IL34: variants seen among roughly 807,000 people sequenced by gnomAD.
IL34 encodes interleukin 34.
IL34 carries 17 observed loss-of-function variants against 25.3 expected under a neutral mutation model. The observed-to-expected ratio is 0.67, with a 90% CI of 0.46 to 1.01. The LOEUF is 1.01. Ranked by LOEUF, IL34 falls within the 50% of genes least tolerant of loss-of-function variation. The pLI, the probability that IL34 is intolerant of heterozygous loss-of-function variation, is 0.00. For synonymous variants in IL34, 174 were observed against 140.9 expected (o/e 1.23, Z -1.66); for missense variants, 368 against 312.9 (o/e 1.18, Z -1.33).
Position 70,646,963 on chromosome 16 carries a change from A to G in IL34, c.16A>G (p.Thr6Ala). 1.4e-6 allele frequency: 2 copies of G among 1,465,548 alleles called. No homozygotes were observed. The highest frequency in any genetic ancestry group is 1.8e-6 in the Non-Finnish European group (2 of 1,115,944). The allele number at this position is 1,465,548 out of a possible 1,614,324, so 90.8% of individuals were successfully genotyped here. The stretch of plus-strand genomic sequence containing the variant: ...GAACACCACCATGCCCCGGGGCTTC[A>G]CCTGGCTGCGCTGTGAGTACTGGGG... MPRGF[T>A]WLRYLGIFLG... is the part of the protein sequence containing the mutation. The change falls in exon 1 of 6, where the codon ACC becomes GCC. Residue 6 changes from threonine to alanine, a missense_variant. Transcript: ENST00000288098.
upstream of IL34, among the ~76,000 whole-genome samples, chr16:70,645,453 G>A (rs565589384): frequency 2.0e-4 from 30 of 152,174 alleles, no homozygotes; most frequent in Non-Finnish European, 3.8e-4. Context: ...GGGAGGAGGC[G>A]AGGGGATGGA....
chr16:70,634,443 G>A (rs1036970962), intron 1 of IL34, among the ~76,000 whole-genome samples: 1 of 152,006 alleles, frequency 6.6e-6, no homozygotes, highest in Non-Finnish European at 1.5e-5. Flanking sequence ...ACTTTGCGAG[G>A]CCAAGGCAGG....
intron 1 of IL34, among the ~76,000 whole-genome samples, chr16:70,621,546 G>C (rs2051282438): frequency 6.6e-6 from 1 of 152,108 alleles, no homozygotes; most frequent in Admixed American, 6.6e-5. Flanking sequence ...ATGGAGCAAA[G>C]AACAGGAGGA....
At chr16:70,584,876 T>C (rs927165509) in intron 1 of IL34, among the ~76,000 whole-genome samples, 1 of 152,058 alleles carries the variant, frequency 6.6e-6, no homozygotes, top group East Asian at 1.9e-4. Context: ...AATTTTTGTA[T>C]TTTTAGTAGA....
chr16:70,648,371 C>T (rs918848173), intron 1 of IL34, among the ~76,000 whole-genome samples: 4 of 151,896 alleles, frequency 2.6e-5, no homozygotes, highest in Non-Finnish European at 4.4e-5. Flanking sequence ...GGCTGGGCAG[C>T]ATAGCGAGAC....
At chr16:70,587,256 C>A (rs962931847) in intron 1 of IL34, among the ~76,000 whole-genome samples, 1 of 151,912 alleles carries the variant, frequency 6.6e-6, no homozygotes, top group Non-Finnish European at 1.5e-5. Flanking sequence ...ACCACACAGC[C>A]GCAGACAGCG....
chr16:70,598,815 C>T (rs546622267), intron 1 of IL34, among the ~76,000 whole-genome samples: 3 of 152,136 alleles, frequency 2.0e-5, no homozygotes, highest in Admixed American at 6.5e-5. Flanking sequence ...GGACGATAGA[C>T]GGATGCCTGC....
intron 1 of IL34, among the ~76,000 whole-genome samples, chr16:70,584,857 C>G (rs571987934): frequency 6.6e-5 from 10 of 151,864 alleles, no homozygotes; most frequent in African/African-American, 2.2e-4. Flanking sequence ...CCTGCCACCA[C>G]GCCCGGCTAA....
Position 70,581,947 on chromosome 16 carries a change from A to T in IL34, c.-401+1898A>T, listed in dbSNP as rs76075071. 9.4e-3 allele frequency among the ~76,000 whole-genome samples: 1,434 copies of T among 152,198 alleles called. 27 individuals carry two copies. Among genetic ancestry groups the T allele is most frequent in the African/African-American group, 0.033 (1,362 of 41,522 alleles). ...AAACAAAAAACAAAAACAAAAACAA[A>T]CAAAAACTTTTTAGGGATGTTGGAA... On this transcript the variant is annotated intron_variant, in intron 1 of 6. Coordinates refer to the IL34 transcript ENST00000429149.
At chr16:70,619,296 G>T (rs1031607450) in intron 1 of IL34, among the ~76,000 whole-genome samples, 1 of 151,956 alleles carries the variant, frequency 6.6e-6, no homozygotes, top group East Asian at 1.9e-4. Flanking sequence ...GGGAGTAGAG[G>T]TATCTTGTGG....
At chr16:70,612,281 C>G (rs1041595296) in intron 1 of IL34, among the ~76,000 whole-genome samples, 2 of 151,300 alleles carry the variant, frequency 1.3e-5, no homozygotes, top group Non-Finnish European at 3.0e-5. Context: ...ATTGGCAGAG[C>G]CAGGCCCACA....
intron 1 of IL34, among the ~76,000 whole-genome samples, chr16:70,635,041 ACAG>A (rs2051611107): frequency 6.6e-6 from 1 of 152,226 alleles, no homozygotes; most frequent in African/African-American, 2.4e-5. Context: ...TAGTATGAAT[ACAG>A]CAGCAATAGG....
At chr16:70,585,154 G>T (rs1567434095) in intron 1 of IL34, among the ~76,000 whole-genome samples, 1 of 152,150 alleles carries the variant, frequency 6.6e-6, no homozygotes, top group East Asian at 1.9e-4. Context: ...TCAGATGTCT[G>T]TCTCTATGAG....
intron 1 of IL34, among the ~76,000 whole-genome samples, chr16:70,599,501 C>T (rs903919752): frequency 3.3e-5 from 5 of 151,174 alleles, no homozygotes; most frequent in Non-Finnish European, 5.9e-5. Context: ...TGACTACAGG[C>T]GTGTGCCAAC....
intron 1 of IL34, among the ~76,000 whole-genome samples, chr16:70,613,484 T>C (rs1330456782): frequency 6.6e-6 from 1 of 152,170 alleles, no homozygotes; most frequent in South Asian, 2.1e-4. Flanking sequence ...AGTTTCCTCA[T>C]CTGTGAAACA....
intron 1 of IL34, among the ~76,000 whole-genome samples, chr16:70,607,816 G>A (rs1039792402): frequency 1.3e-5 from 2 of 151,882 alleles, no homozygotes; most frequent in Non-Finnish European, 2.9e-5. Context: ...CTAGGCTGGA[G>A]TGCAGTGGCG....
rs1334136251 is a variant in IL34 at position 70,654,519 on chromosome 16, T to G, written c.29-19T>G. 1.9e-6 allele frequency: 3 copies of G among 1,597,696 alleles called. No homozygotes were observed. The highest frequency in any genetic ancestry group is 4.5e-5 in the East Asian group (2 of 44,458). The stretch of plus-strand genomic sequence containing the variant: ...GAGATGGAGGGTGCTCATGTGCTCT[T>G]GTCGGGTGTGGTCCACAGATCTTGG... On this transcript the variant is annotated intron_variant, in intron 1 of 5. Transcript: ENST00000288098.
intron 1 of IL34, 22 bp downstream of exon 1, chr16:70,646,997 G>A: frequency 1.0e-5 from 15 of 1,448,438 alleles, no homozygotes; most frequent in African/African-American, 1.5e-5. Flanking sequence ...GGGGTCCCTA[G>A]GGACCTGCAT....
At chr16:70,595,302 TCTC>T in intron 1 of IL34, among the ~76,000 whole-genome samples, 1 of 151,482 alleles carries the variant, frequency 6.6e-6, no homozygotes, top group African/African-American at 2.4e-5. Flanking sequence ...CTAGTTTTCT[TCTC>T]CTTCTTCTTT....
Sources: gnomAD v4.1 joint callset for allele counts (sites outside exome capture counted in the v4.1 genomes callset) on GRCh38, gnomAD v4.1.1 for gene constraint, MANE v1.5 for transcripts, NCBI Gene and HGNC (gene_info 2026-07-23, HGNC 2026-07-21) for gene names.